Variants in DTWD2 observed in about 807,000 individuals in gnomAD.
The protein encoded by DTWD2 is tRNA-uridine aminocarboxypropyltransferase 2.
A neutral mutation model predicts 31.8 loss-of-function variants in DTWD2; 39 were observed. The ratio of observed to expected loss-of-function variants is 1.22; its 90% CI spans 0.95 to 1.60. The LOEUF (loss-of-function observed/expected upper bound fraction) is 1.60, where lower values mean the gene tolerates loss of function less well. Ranked by LOEUF, DTWD2 falls within the 40% of genes most tolerant of loss-of-function variation. The pLI, the probability that DTWD2 is intolerant of heterozygous loss-of-function variation, is 0.00. For missense variants in DTWD2, 515 were observed against 381.5 expected (o/e 1.35, Z -2.92); for synonymous variants, 180 against 142.8 (o/e 1.26, Z -1.86).
chr5:118,943,122 C>T (rs1257863227), intron 2 of DTWD2, among the ~76,000 whole-genome samples: 1 of 152,114 alleles, frequency 6.6e-6, no homozygotes, highest in Non-Finnish European at 1.5e-5. Context: ...CAGGTTTTAA[C>T]CAAAATTGCT....
At chr5:118,941,623 G>C (rs1487021670) in intron 2 of DTWD2, among the ~76,000 whole-genome samples, 1 of 152,168 alleles carries the variant, frequency 6.6e-6, no homozygotes, top group East Asian at 1.9e-4. Context: ...ATTGTGAGTA[G>C]TGCTGCAATA....
At chr5:118,977,445 C>G (rs1415084062) in intron 1 of DTWD2, among the ~76,000 whole-genome samples, 1 of 152,198 alleles carries the variant, frequency 6.6e-6, no homozygotes, top group African/African-American at 2.4e-5. Flanking sequence ...ACCCCACTGT[C>G]TCAGCCCAAA....
chr5:118,847,853 A>G (rs527781236), intron 5 of DTWD2, among the ~76,000 whole-genome samples: 2 of 152,310 alleles, frequency 1.3e-5, no homozygotes, highest in East Asian at 3.9e-4. Flanking sequence ...AATTTAGCAT[A>G]TTACAAATGC....
chr5:118,956,816 A>G (rs970404205), intron 1 of DTWD2, among the ~76,000 whole-genome samples: 1 of 152,190 alleles, frequency 6.6e-6, no homozygotes, highest in Non-Finnish European at 1.5e-5. Flanking sequence ...CAAAGAACAA[A>G]AAGTTTCATA....
chr5:118,973,940 G>A, intron 1 of DTWD2: 3 of 1,592,004 alleles, frequency 1.9e-6, no homozygotes, highest in African/African-American at 1.3e-5. Context: ...GCAGGAGGCT[G>A]ACAATGAGGT....
chr5:118,882,142 T>C (rs180899567), intron 4 of DTWD2, among the ~76,000 whole-genome samples: 72 of 152,280 alleles, frequency 4.7e-4, no homozygotes, highest in Non-Finnish European at 7.6e-4. Flanking sequence ...CCATCCCAAA[T>C]GGGAGAAATT....
intron 4 of DTWD2, among the ~76,000 whole-genome samples, chr5:118,914,011 C>T (rs994549790): frequency 6.6e-6 from 1 of 151,828 alleles, no homozygotes; most frequent in African/African-American, 2.4e-5. Flanking sequence ...TAATGCATGA[C>T]CTTTTCTTTG....
intron 4 of DTWD2, among the ~76,000 whole-genome samples, chr5:118,900,878 T>C (rs1198972502): frequency 6.7e-6 from 1 of 149,278 alleles, no homozygotes; most frequent in Non-Finnish European, 1.5e-5. Context: ...TGACCCGAGA[T>C]CACGCCACTG....
At chr5:118,927,105 A>T (rs1753826171) in intron 4 of DTWD2, among the ~76,000 whole-genome samples, 1 of 152,156 alleles carries the variant, frequency 6.6e-6, no homozygotes, top group South Asian at 2.1e-4. Context: ...ACGGAGAGAG[A>T]CAGAGAGCAA....
At chr5:118,972,536 T>C (rs1755010543) in intron 1 of DTWD2, among the ~76,000 whole-genome samples, 1 of 152,230 alleles carries the variant, frequency 6.6e-6, no homozygotes, top group African/African-American at 2.4e-5. Context: ...AGCTGAATTC[T>C]ACCAGAGGTA....
intron 4 of DTWD2, among the ~76,000 whole-genome samples, chr5:118,905,679 A>AT (rs1465290547): frequency 1.3e-5 from 2 of 152,112 alleles, no homozygotes; most frequent in Non-Finnish European, 2.9e-5. Flanking sequence ...TTTTAATGAC[A>AT]TTTCTATTTA....
At chr5:118,876,846 A>T (rs1393193592) in intron 4 of DTWD2, among the ~76,000 whole-genome samples, 1 of 152,226 alleles carries the variant, frequency 6.6e-6, no homozygotes, top group Non-Finnish European at 1.5e-5. Flanking sequence ...CAAAAGATTG[A>T]GGAGGAGGGA....
intron 4 of DTWD2, among the ~76,000 whole-genome samples, chr5:118,859,437 C>T (rs1424727864): frequency 2.0e-5 from 3 of 152,062 alleles, no homozygotes; most frequent in Non-Finnish European, 4.4e-5. Flanking sequence ...TTACATGTTG[C>T]ATATAGTATA....
chr5:118,982,372 T>A (rs1028818434), intron 1 of DTWD2, among the ~76,000 whole-genome samples: 9 of 151,152 alleles, frequency 6.0e-5, no homozygotes, highest in Admixed American at 3.3e-4. Flanking sequence ...AAACTGGCCA[T>A]TCCTCTTTGA....
At chr5:118,909,205 G>A (rs1213990100) in intron 4 of DTWD2, among the ~76,000 whole-genome samples, 1 of 152,158 alleles carries the variant, frequency 6.6e-6, no homozygotes, top group Non-Finnish European at 1.5e-5. Flanking sequence ...TGGCCTATTG[G>A]CATCAACCAC....
intron 4 of DTWD2, among the ~76,000 whole-genome samples, chr5:118,900,268 C>G (rs997644198): frequency 2.6e-5 from 4 of 152,154 alleles, no homozygotes; most frequent in African/African-American, 9.7e-5. Flanking sequence ...TTATTACAGA[C>G]AGTGTTAATA....
chr5:118,954,574 C>A (rs915818033), intron 1 of DTWD2, among the ~76,000 whole-genome samples: 1 of 152,168 alleles, frequency 6.6e-6, no homozygotes, highest in Admixed American at 6.5e-5. Flanking sequence ...AGTGCAGTGG[C>A]ATGATCTCAG....
chr5:118,878,251 ACT>A (rs1417893561), intron 4 of DTWD2, among the ~76,000 whole-genome samples: 2 of 152,166 alleles, frequency 1.3e-5, no homozygotes, highest in Non-Finnish European at 2.9e-5. Context: ...ACACTATCTG[ACT>A]CTGAACTATA....
intron 1 of DTWD2, among the ~76,000 whole-genome samples, chr5:118,985,490 T>TTATATGTATATATATATATATATA (rs1554072599): frequency 1.0e-5 from 1 of 95,418 alleles, no homozygotes; most frequent in Admixed American, 1.2e-4. Flanking sequence ...ATGTGCATTT[T>TTATATGTATATATATATATATATA]TATATATATA....
Sources: allele counts gnomAD v4.1 joint callset (sites outside exome capture counted in the v4.1 genomes callset), GRCh38; gene constraint gnomAD v4.1.1; transcripts MANE v1.5; gene names NCBI Gene and HGNC (gene_info 2026-07-23, HGNC 2026-07-21).